Variants in NTM observed in about 807,000 individuals in gnomAD.
The protein encoded by NTM is neurotrimin, also known as IgLON family member 2.
Under a neutral mutation model 42.1 loss-of-function variants are expected in NTM, and 13 were observed. The ratio of observed to expected loss-of-function variants is 0.31; its 90% CI spans 0.20 to 0.49. The LOEUF is 0.49. NTM is among the 20% of genes least tolerant of loss of function. The pLI, the probability that NTM is intolerant of heterozygous loss-of-function variation, is 0.99. For missense variants in NTM, 373 were observed against 452.8 expected, an observed-to-expected ratio of 0.82 and a Z score of 1.60; for synonymous variants, 187 against 179.2, an observed-to-expected ratio of 1.04 and a Z score of -0.35.
chr11:131,510,976 C>A (rs2048161396), intron 1 of NTM, among the ~76,000 whole-genome samples: 5 of 152,200 alleles, frequency 3.3e-5, no homozygotes, highest in Admixed American at 3.3e-4. Flanking sequence ...TGTGTCCTAA[C>A]CTTGGTTCTG....
At chr11:131,527,979 C>CA (rs1591945657) in intron 1 of NTM, among the ~76,000 whole-genome samples, 1 of 152,168 alleles carries the variant, frequency 6.6e-6, no homozygotes, top group Non-Finnish European at 1.5e-5. Flanking sequence ...TGAGCATCAA[C>CA]AGAAGGCTCA....
chr11:131,935,663 CT>C, intron 2 of NTM, among the ~76,000 whole-genome samples: 1 of 152,240 alleles, frequency 6.6e-6, no homozygotes, highest in Non-Finnish European at 1.5e-5. Flanking sequence ...AGCTCTCCTT[CT>C]TACTGCAAGG....
intron 7 of NTM, among the ~76,000 whole-genome samples, chr11:132,319,269 G>C (rs2095505603): frequency 6.6e-6 from 1 of 152,108 alleles, no homozygotes; most frequent in Non-Finnish European, 1.5e-5. Flanking sequence ...CAGACAGTAG[G>C]TGCAGGACAG....
chr11:132,229,069 A>G (rs1334831345), intron 4 of NTM, among the ~76,000 whole-genome samples: 1 of 152,188 alleles, frequency 6.6e-6, no homozygotes, highest in Non-Finnish European at 1.5e-5. Context: ...AGAAACGAAT[A>G]ACTGAAAGAG....
At chr11:131,658,668 A>C (rs1369134260) in intron 1 of NTM, among the ~76,000 whole-genome samples, 1 of 152,214 alleles carries the variant, frequency 6.6e-6, no homozygotes, top group Non-Finnish European at 1.5e-5. Flanking sequence ...GCAGAATCAG[A>C]AGCTTTAAAA....
intron 1 of NTM, among the ~76,000 whole-genome samples, chr11:131,842,725 A>G (rs2044412966): frequency 6.7e-6 from 1 of 148,152 alleles, no homozygotes; most frequent in African/African-American, 2.6e-5. Context: ...AATTTCTAAT[A>G]TGAGGGCAAG....
At chr11:131,902,271 T>C (rs2053276378) in intron 1 of NTM, among the ~76,000 whole-genome samples, 1 of 152,236 alleles carries the variant, frequency 6.6e-6, no homozygotes, top group African/African-American at 2.4e-5. Context: ...ACTTGACTTC[T>C]AGGGCAGTAC....
At chr11:131,375,038 C>T (rs10791141) in intron 1 of NTM, among the ~76,000 whole-genome samples, 43,397 of 152,100 alleles carry the variant, frequency 0.29, 6,814 homozygotes, top group East Asian at 0.61. Context: ...TCTCTTGCTG[C>T]AGCAGAGATC....
At chr11:131,868,848 C>A (rs901388465) in intron 1 of NTM, among the ~76,000 whole-genome samples, 2 of 152,186 alleles carry the variant, frequency 1.3e-5, no homozygotes, top group Non-Finnish European at 2.9e-5. Context: ...TCTGCTGTAA[C>A]CTGGGCCTTT....
chr11:132,187,662 A>C (rs1478580468), intron 3 of NTM, among the ~76,000 whole-genome samples: 1 of 152,194 alleles, frequency 6.6e-6, no homozygotes, highest in East Asian at 1.9e-4. Context: ...GGTGGAGTAC[A>C]AAAGAAGGGA....
At chr11:132,008,485 T>C (rs944734348) in intron 2 of NTM, among the ~76,000 whole-genome samples, 8 of 152,022 alleles carry the variant, frequency 5.3e-5, no homozygotes, top group African/African-American at 1.9e-4. Context: ...GTTAAAGCGT[T>C]AGTATAGTGT....
In NTM at chr11:131,626,502, G is replaced by T. The variant is rs142467142; in HGVS notation, c.82+255614G>T. ...TTGTCTCTTCTTCCAAAGGGTGGCA[G>T]CTTACCTCAGTTGCAGGCAAAGGAT... is the stretch of plus-strand genomic sequence containing the variant. On this transcript the variant is annotated intron_variant, in intron 1 of 8. Transcript: ENST00000683400. 4.2e-3 allele frequency among the ~76,000 whole-genome samples: 640 copies of T among 152,286 alleles called. 3 individuals are homozygous for T. The highest frequency in any genetic ancestry group is 0.015 in the African/African-American group (603 of 41,550).
At chr11:131,741,466 G>T (rs959237710) in intron 1 of NTM, among the ~76,000 whole-genome samples, 1 of 152,156 alleles carries the variant, frequency 6.6e-6, no homozygotes, top group Non-Finnish European at 1.5e-5. Context: ...TTGGAAGCTG[G>T]ACTTTTCTCC....
intron 1 of NTM, among the ~76,000 whole-genome samples, chr11:131,825,831 A>T (rs1467408311): frequency 6.6e-6 from 1 of 152,192 alleles, no homozygotes; most frequent in Non-Finnish European, 1.5e-5. Context: ...GACTTAACAG[A>T]GAAAAATATG....
intron 6 of NTM, among the ~76,000 whole-genome samples, chr11:132,312,982 G>A (rs1266381328): frequency 6.6e-6 from 1 of 152,184 alleles, no homozygotes; most frequent in Non-Finnish European, 1.5e-5. Context: ...TCTACATAAT[G>A]AAAAGCAAGG....
At chr11:131,558,169 T>G (rs1047908204) in intron 1 of NTM, among the ~76,000 whole-genome samples, 1 of 152,226 alleles carries the variant, frequency 6.6e-6, no homozygotes, top group Non-Finnish European at 1.5e-5. Flanking sequence ...GGGCCTGTAC[T>G]GAAGTTGCCT....
At chr11:131,961,938 A>T (rs1330175508) in intron 2 of NTM, among the ~76,000 whole-genome samples, 1 of 152,066 alleles carries the variant, frequency 6.6e-6, no homozygotes, top group African/African-American at 2.4e-5. Flanking sequence ...ATCTAGGATG[A>T]TGATGGATCC....
chr11:131,908,330 G>A (rs1013103441), intron 1 of NTM, among the ~76,000 whole-genome samples: 2 of 152,248 alleles, frequency 1.3e-5, no homozygotes, highest in Non-Finnish European at 2.9e-5. Context: ...GGATTTCTAA[G>A]TATTTTCCTG....
intron 2 of NTM, among the ~76,000 whole-genome samples, chr11:132,138,745 G>T (rs529887277): frequency 6.6e-6 from 1 of 152,236 alleles, no homozygotes; most frequent in African/African-American, 2.4e-5. Context: ...CCCAGCTCAA[G>T]CTGGAAGAGT....
Sources: gnomAD v4.1 joint callset for allele counts (sites outside exome capture counted in the v4.1 genomes callset) on GRCh38, gnomAD v4.1.1 for gene constraint, MANE v1.5 for transcripts, NCBI Gene and HGNC (gene_info 2026-07-23, HGNC 2026-07-21) for gene names.